Variants in IQGAP2 observed in about 807,000 individuals in gnomAD.
The protein encoded by IQGAP2 is IQ motif containing GTPase activating protein 2.
A neutral mutation model predicts 201.3 loss-of-function variants in IQGAP2; 173 were observed. That is an observed-to-expected ratio of 0.86 (90% confidence interval 0.76 to 0.98). The LOEUF is 0.98. Ranked by LOEUF, IQGAP2 falls within the 50% of genes least tolerant of loss-of-function variation. The probability of loss-of-function intolerance (pLI) is 0.00; values close to 1 mark genes in which losing one functional copy is unlikely to be tolerated. For synonymous variants in IQGAP2, 675 were observed against 673.9 expected (o/e 1.00, Z -0.03); for missense variants, 1,687 against 1,864.8 (o/e 0.90, Z 1.76).
At chr5:76,505,334 A>G (rs1757554411) in intron 2 of IQGAP2, among the ~76,000 whole-genome samples, 1 of 152,146 alleles carries the variant, frequency 6.6e-6, no homozygotes, top group South Asian at 2.1e-4. Context: ...GCAAATCTCA[A>G]CTGGGGAGTC....
At chr5:76,457,997 A>G (rs1397459885) in intron 1 of IQGAP2, among the ~76,000 whole-genome samples, 1 of 152,246 alleles carries the variant, frequency 6.6e-6, no homozygotes, top group East Asian at 1.9e-4. Flanking sequence ...TAATCAAGTT[A>G]CTTTAAAATG....
intron 33 of IQGAP2, 26 bp from the exon 34 acceptor site, chr5:76,701,050 C>T (rs1305530597): frequency 6.2e-7 from 1 of 1,612,758 alleles, no homozygotes; most frequent in Non-Finnish European, 8.5e-7. Flanking sequence ...ATCATAACAA[C>T]AAATGTTCTG....
At chr5:76,508,405 C>G (rs549394454) in intron 2 of IQGAP2, among the ~76,000 whole-genome samples, 1 of 152,258 alleles carries the variant, frequency 6.6e-6, no homozygotes, top group African/African-American at 2.4e-5. Context: ...AAAAGATGCT[C>G]AATATCATAT....
intron 3 of IQGAP2, 124 bp from the exon 4 acceptor site, chr5:76,570,456 T>C: frequency 1.4e-6 from 1 of 701,884 alleles, no homozygotes; most frequent in Non-Finnish European, 2.6e-6. Flanking sequence ...TATGTGAACA[T>C]TAATAACTCT....
intron 1 of IQGAP2, among the ~76,000 whole-genome samples, chr5:76,408,734 C>A (rs1448481876): frequency 1.3e-5 from 2 of 152,132 alleles, no homozygotes; most frequent in East Asian, 3.8e-4. Flanking sequence ...AGCTCTCCAG[C>A]CTGGGCAACA....
At chr5:76,698,384 G>A (rs1746950730) in intron 33 of IQGAP2, among the ~76,000 whole-genome samples, 1 of 152,128 alleles carries the variant, frequency 6.6e-6, no homozygotes, top group African/African-American at 2.4e-5. Context: ...GTTGTATATT[G>A]AGCAAATAGC....
chr5:76,450,008 C>G (rs1309341628), intron 1 of IQGAP2, among the ~76,000 whole-genome samples: 1 of 152,168 alleles, frequency 6.6e-6, no homozygotes, highest in African/African-American at 2.4e-5. Context: ...ACCTTCATGT[C>G]TGTTGTATGT....
chr5:76,532,454 C>A (rs1467267516), intron 2 of IQGAP2, among the ~76,000 whole-genome samples: 1 of 72,068 alleles, frequency 1.4e-5, no homozygotes, highest in Non-Finnish European at 2.5e-5. Context: ...CAGCATTTTT[C>A]TTTTGCCATG....
chr5:76,679,876 A>G (rs1239422711), intron 28 of IQGAP2, among the ~76,000 whole-genome samples: 1 of 152,236 alleles, frequency 6.6e-6, no homozygotes, highest in Non-Finnish European at 1.5e-5. Flanking sequence ...TACCTCTACT[A>G]TAGTGAAAAA....
intron 1 of IQGAP2, among the ~76,000 whole-genome samples, chr5:76,448,974 T>C (rs1753572231): frequency 6.6e-6 from 1 of 152,172 alleles, no homozygotes; most frequent in South Asian, 2.1e-4. Flanking sequence ...TTTTGAGCTG[T>C]CACCTGATCT....
At chr5:76,530,082 G>A (rs1395512083) in intron 2 of IQGAP2, among the ~76,000 whole-genome samples, 1 of 152,144 alleles carries the variant, frequency 6.6e-6, no homozygotes, top group Non-Finnish European at 1.5e-5. Context: ...GTAAGGGGCT[G>A]GATGGTTTTG....
intron 2 of IQGAP2, among the ~76,000 whole-genome samples, chr5:76,473,213 T>G (rs1291585373): frequency 1.3e-5 from 2 of 152,218 alleles, no homozygotes; most frequent in African/African-American, 4.8e-5. Context: ...GTCTTGGTTT[T>G]TAGGTTCTAT....
At chr5:76,644,606 T>A (rs990053281) in intron 17 of IQGAP2, among the ~76,000 whole-genome samples, 4 of 152,084 alleles carry the variant, frequency 2.6e-5, no homozygotes, top group Non-Finnish European at 5.9e-5. Context: ...GGCCTGTAAA[T>A]CCCATCTGTC....
intron 13 of IQGAP2, among the ~76,000 whole-genome samples, chr5:76,624,096 G>A (rs1749999856): frequency 6.6e-6 from 1 of 152,044 alleles, no homozygotes; most frequent in African/African-American, 2.4e-5. Context: ...GAGTGTTGGT[G>A]AATAAGTCTA....
At chr5:76,627,084 A>G (rs976283046) in intron 13 of IQGAP2, among the ~76,000 whole-genome samples, 3 of 152,038 alleles carry the variant, frequency 2.0e-5, no homozygotes, top group Admixed American at 6.5e-5. Flanking sequence ...TGAGCTATCT[A>G]TTTTGAAGGG....
intron 2 of IQGAP2, among the ~76,000 whole-genome samples, chr5:76,471,661 C>G (rs912088410): frequency 6.6e-6 from 1 of 151,778 alleles, no homozygotes; most frequent in Non-Finnish European, 1.5e-5. Context: ...AATGTTTAAG[C>G]AAGTGAAAGC....
intron 33 of IQGAP2, among the ~76,000 whole-genome samples, chr5:76,698,911 TATC>T (rs569387119): frequency 1.3e-3 from 198 of 152,338 alleles, no homozygotes; most frequent in Middle Eastern, 0.01. Context: ...AAGGTGATGT[TATC>T]ATTTATTATT....
At chr5:76,655,552 A>G (rs914840041) in intron 20 of IQGAP2, among the ~76,000 whole-genome samples, 30 of 151,988 alleles carry the variant, frequency 2.0e-4, no homozygotes, top group African/African-American at 6.8e-4. Flanking sequence ...AGTTCAAGCA[A>G]TTCTCCTGCC....
intron 17 of IQGAP2, among the ~76,000 whole-genome samples, chr5:76,652,059 T>C (rs1254479811): frequency 6.6e-6 from 1 of 152,234 alleles, no homozygotes; most frequent in Non-Finnish European, 1.5e-5. Flanking sequence ...AAAAAGATGC[T>C]CATAAATGAA....
Sources: allele counts gnomAD v4.1 joint callset (sites outside exome capture counted in the v4.1 genomes callset), GRCh38; gene constraint gnomAD v4.1.1; transcripts MANE v1.5; gene names NCBI Gene and HGNC (gene_info 2026-07-23, HGNC 2026-07-21).